The following CSMD2 variants were observed in gnomAD, a reference collection of about 807,000 sequenced individuals.
CSMD2 encodes CUB and Sushi multiple domains 2.
CSMD2 carries 130 observed loss-of-function variants against 398.5 expected under a neutral mutation model. The ratio of observed to expected loss-of-function variants is 0.33; its 90% CI spans 0.28 to 0.38. The LOEUF is 0.38. Ranked by LOEUF, CSMD2 falls within the 10% of genes least tolerant of loss-of-function variation. The pLI, the probability that CSMD2 is intolerant of heterozygous loss-of-function variation, is 1.00. For synonymous variants in CSMD2, 1,828 were observed against 1,908.5 expected, an observed-to-expected ratio of 0.96 and a Z score of 1.10; for missense variants, 3,829 against 4,764.9, an observed-to-expected ratio of 0.80 and a Z score of 5.78.
intron 25 of CSMD2, among the ~76,000 whole-genome samples, chr1:33,689,558 C>A (rs1003889487): frequency 6.6e-6 from 1 of 152,152 alleles, no homozygotes; most frequent in Non-Finnish European, 1.5e-5. Context: ...CCATTCTCAT[C>A]AGTGAAAATG....
intron 25 of CSMD2, among the ~76,000 whole-genome samples, chr1:33,669,498 T>G (rs1360382584): frequency 1.3e-5 from 2 of 152,072 alleles, no homozygotes; most frequent in Non-Finnish European, 2.9e-5. Context: ...ACACACCAAG[T>G]CCCCCCTGGG....
intron 1 of CSMD2, among the ~76,000 whole-genome samples, chr1:34,140,317 CA>C (rs35742065): frequency 7.3e-6 from 1 of 137,766 alleles, no homozygotes; most frequent in African/African-American, 2.7e-5. Context: ...AACAAACAAA[CA>C]AAAAAAAACC....
In CSMD2 at chr1:34,164,400, G is replaced by A. The variant is rs886964268; in HGVS notation, c.187+511C>T. 6.6e-6 allele frequency among the ~76,000 whole-genome samples: 1 copy of A among 152,030 alleles called. No homozygotes were observed. Among genetic ancestry groups the A allele is most frequent in the African/African-American group, 2.4e-5 (1 of 41,402 alleles). On this transcript the variant is annotated intron_variant, in intron 1 of 70. Transcript: ENST00000373381. The surrounding 1 kb of genome is among the most constrained non-coding windows in gnomAD (Gnocchi z 6.2). ...TGCAGTCGGTTCCAGAGGGGGCACCGGTTTCAATTGGAGAAAATGGGCGGG... is the reference window on the plus strand; with the variant it reads ...TGCAGTCGGTTCCAGAGGGGGCACCAGTTTCAATTGGAGAAAATGGGCGGG...
chr1:33,703,277 G>A (rs747745327), intron 22 of CSMD2, among the ~76,000 whole-genome samples: 25 of 152,166 alleles, frequency 1.6e-4, no homozygotes, highest in Non-Finnish European at 3.2e-4. Context: ...TGTATAGACG[G>A]ATTTGAGAAA....
At chr1:34,089,671 C>T (rs1571076264) in intron 1 of CSMD2, among the ~76,000 whole-genome samples, 1 of 152,244 alleles carries the variant, frequency 6.6e-6, no homozygotes, top group East Asian at 1.9e-4. Context: ...TAGCCTATCC[C>T]ATGCTGTCTT....
chr1:33,521,425 A>AC, intron 68 of CSMD2, 38 bp downstream of exon 68: 16 of 737,032 alleles, frequency 2.2e-5, no homozygotes, highest in Non-Finnish European at 3.5e-5. Flanking sequence ...TCTCCCACCC[A>AC]CCCGGGCCCA....
intron 12 of CSMD2, among the ~76,000 whole-genome samples, chr1:33,775,854 G>A (rs1651899253): frequency 6.6e-6 from 1 of 152,218 alleles, no homozygotes; most frequent in Non-Finnish European, 1.5e-5. Context: ...GAACAATGTA[G>A]GGACCAGCAG....
At chr1:33,721,545 C>T (rs1646359722) in intron 19 of CSMD2, among the ~76,000 whole-genome samples, 1 of 152,118 alleles carries the variant, frequency 6.6e-6, no homozygotes, top group Non-Finnish European at 1.5e-5. Context: ...CTTTTCTTTC[C>T]AATGGTCTCC....
intron 13 of CSMD2, among the ~76,000 whole-genome samples, chr1:33,757,715 C>T (rs899226094): frequency 5.9e-5 from 9 of 152,236 alleles, no homozygotes; most frequent in Admixed American, 3.3e-4. Flanking sequence ...TTTCCTAAGC[C>T]TCCTTCATTC....
chr1:33,591,723 C>CA (rs1346412938), intron 44 of CSMD2: 1 of 152,190 alleles, frequency 6.6e-6, no homozygotes, highest in Non-Finnish European at 1.5e-5. Flanking sequence ...CTCTTGGGCT[C>CA]AACTGATCCT....
chr1:33,528,742 T>G (rs1382382308), intron 64 of CSMD2, among the ~76,000 whole-genome samples: 1 of 152,216 alleles, frequency 6.6e-6, no homozygotes, highest in African/African-American at 2.4e-5. Context: ...ATGGGTTGAA[T>G]TCAGCTGCCT....
At chr1:33,715,905 AC>A (rs1382747497) in intron 20 of CSMD2, among the ~76,000 whole-genome samples, 1 of 65,212 alleles carries the variant, frequency 1.5e-5, no homozygotes, top group Non-Finnish European at 3.9e-5. Flanking sequence ...TTAATTTCAA[AC>A]CTTTTTTTTT....
chr1:33,760,719 A>T (rs566677320), intron 13 of CSMD2, among the ~76,000 whole-genome samples: 2 of 152,266 alleles, frequency 1.3e-5, no homozygotes, highest in Admixed American at 1.3e-4. Flanking sequence ...CATGGAACAC[A>T]GCACTGTGCT....
intron 49 of CSMD2, among the ~76,000 whole-genome samples, chr1:33,574,023 G>T (rs1659840572): frequency 6.6e-6 from 1 of 152,164 alleles, no homozygotes; most frequent in African/African-American, 2.4e-5. Flanking sequence ...AACCTCTGAA[G>T]AAAATGATTT....
At chr1:33,819,069 G>T (rs1418926057) in intron 9 of CSMD2, among the ~76,000 whole-genome samples, 2 of 152,118 alleles carry the variant, frequency 1.3e-5, no homozygotes, top group Admixed American at 6.5e-5. Context: ...TGAGGTCAGG[G>T]GCTTCTCTAC....
chr1:33,686,577 C>G (rs1557730321), intron 25 of CSMD2, among the ~76,000 whole-genome samples: 1 of 152,236 alleles, frequency 6.6e-6, no homozygotes, highest in Non-Finnish European at 1.5e-5. Context: ...AAGGGTAAGC[C>G]TGACTGTAGA....
At chr1:34,157,520 T>C (rs907230911) in intron 1 of CSMD2, among the ~76,000 whole-genome samples, 1 of 151,640 alleles carries the variant, frequency 6.6e-6, no homozygotes, top group African/African-American at 2.4e-5. Flanking sequence ...CTCCATCATA[T>C]CCCAATTGTT....
Position 33,521,458 on chromosome 1 carries a change from G to T in CSMD2, c.10597+5C>A, listed in dbSNP as rs1773028. ...CCACACTTCCGGGGGACAAGCACTA[G>T]TTACCCAGTCTTTGAAAGCCGAACT... is the stretch of plus-strand genomic sequence containing the variant. On this transcript the variant is annotated splice_donor_5th_base_variant and intron_variant, in intron 68 of 70. Transcript: ENST00000373381. 1 of 1,520,704 alleles carries T rather than the reference G, an allele frequency of 6.6e-7. No homozygotes were observed. Among genetic ancestry groups the T allele is most frequent in the Non-Finnish European group, 9.1e-7 (1 of 1,095,900 alleles). The allele number at this position is 1,520,704 out of a possible 1,614,324, so 94.2% of individuals were successfully genotyped here. A position where few individuals can be genotyped will look rare whatever the true frequency, so the allele number is the denominator to read the frequency against.
chr1:33,998,515 C>A (rs1427766136), intron 3 of CSMD2, among the ~76,000 whole-genome samples: 2 of 152,238 alleles, frequency 1.3e-5, no homozygotes, highest in Admixed American at 1.3e-4. Flanking sequence ...GTCCTTCTGT[C>A]TGCCCAGCTT....
Sources: allele counts gnomAD v4.1 joint callset (sites outside exome capture counted in the v4.1 genomes callset), GRCh38; gene constraint gnomAD v4.1.1; non-coding constraint Gnocchi (gnomAD v3.1); transcripts MANE v1.5; gene names NCBI Gene and HGNC (gene_info 2026-07-23, HGNC 2026-07-21).